The following ARHGAP26 variants were observed in gnomAD, a reference collection of about 807,000 sequenced individuals.
The protein encoded by ARHGAP26 is Rho GTPase activating protein 26, also known as rho GTPase-activating protein 26.
Under a neutral mutation model 104.8 loss-of-function variants are expected in ARHGAP26, and 38 were observed. That is an observed-to-expected ratio of 0.36 (90% CI 0.28 to 0.48). The LOEUF is 0.48. Among genes scored for constraint, ARHGAP26 ranks in the 20% least tolerant of loss-of-function variants. ARHGAP26 has a pLI of 0.99. For missense variants in ARHGAP26, 704 were observed against 947.9 expected (o/e 0.74, Z 3.38); for synonymous variants, 341 against 340.0 (o/e 1.00, Z -0.03).
At chr5:143,094,788 G>C (rs982253007) in intron 17 of ARHGAP26, among the ~76,000 whole-genome samples, 1 of 152,074 alleles carries the variant, frequency 6.6e-6, no homozygotes, top group African/African-American at 2.4e-5. Context: ...TGAGTGGTTT[G>C]GGGGGAAAAT....
intron 17 of ARHGAP26, among the ~76,000 whole-genome samples, chr5:143,090,628 G>C (rs776036781): frequency 2.6e-5 from 4 of 152,182 alleles, no homozygotes; most frequent in African/African-American, 4.8e-5. Flanking sequence ...CTTAGAAAAG[G>C]GGGAGAACTT....
chr5:143,117,554 A>C (rs181697710), intron 17 of ARHGAP26, among the ~76,000 whole-genome samples: 2 of 152,366 alleles, frequency 1.3e-5, no homozygotes, highest in East Asian at 3.9e-4. Context: ...CCCAAAAAAA[A>C]GTTTCCTAAG....
At chr5:142,989,994 T>G (rs928882062) in intron 11 of ARHGAP26, among the ~76,000 whole-genome samples, 2 of 152,184 alleles carry the variant, frequency 1.3e-5, no homozygotes, top group African/African-American at 4.8e-5. Flanking sequence ...AATTTGAATG[T>G]TGGCCTGCCT....
chr5:142,949,234 A>AGAGAGAG (rs1767896338), intron 11 of ARHGAP26, among the ~76,000 whole-genome samples: 1 of 81,968 alleles, frequency 1.2e-5, no homozygotes, highest in African/African-American at 7.6e-5. Context: ...GAGAGAGAGG[A>AGAGAGAG]GAGAGAGAGA....
At chr5:142,821,095 T>C (rs1766070995) in intron 1 of ARHGAP26, among the ~76,000 whole-genome samples, 1 of 152,210 alleles carries the variant, frequency 6.6e-6, no homozygotes. Flanking sequence ...TAGAGCTATA[T>C]TACAGAGCTT....
At chr5:143,082,722 A>G (rs1172085571) in intron 17 of ARHGAP26, among the ~76,000 whole-genome samples, 5 of 152,362 alleles carry the variant, frequency 3.3e-5, no homozygotes, top group African/African-American at 9.6e-5. Context: ...AACCAAGAAG[A>G]TGGGAGTTGT....
chr5:142,882,835 A>T (rs1007414810), intron 4 of ARHGAP26, among the ~76,000 whole-genome samples: 5 of 152,224 alleles, frequency 3.3e-5, no homozygotes, highest in Admixed American at 3.3e-4. Flanking sequence ...CCGAGCAATT[A>T]TCTAATCATC....
chr5:143,207,215 C>T lies in ARHGAP26; in HGVS notation c.2006C>T (p.Pro669Leu), dbSNP rs1808701446. 1 of 1,613,950 alleles carries T rather than the reference C, an allele frequency of 6.2e-7. No individual in the cohort carries two copies. Among genetic ancestry groups the T allele is most frequent in the African/African-American group, 1.3e-5 (1 of 75,004 alleles). ...TCTTGCAGCCCCCCGAATCCAAGCC[C>T]AACTTCACCCCTCTCGCCATCTTGG... is the stretch of plus-strand genomic sequence containing the variant. Reference protein sequence around the residue: ...RPNSLPPNPSPTSPLSPSWPM... With the variant: ...RPNSLPPNPSLTSPLSPSWPM... Residue 669 changes from proline to leucine, a missense_variant, in exon 21 of 23, where the codon CCA (proline) becomes CTA (leucine). This residue lies in a region of ARHGAP26 where 217 missense variants were observed against 242.6 expected (regional missense o/e 0.89). Coordinates refer to ENST00000645722, the MANE Select transcript of ARHGAP26 (RefSeq NM_001135608.3).
chr5:142,820,590 G>T (rs886781286), intron 1 of ARHGAP26, among the ~76,000 whole-genome samples: 3 of 152,222 alleles, frequency 2.0e-5, no homozygotes, highest in Admixed American at 6.5e-5. Flanking sequence ...CTCCAGCATG[G>T]TTCTCAAACA....
At chr5:142,803,663 CT>C (rs1762459554) in intron 1 of ARHGAP26, among the ~76,000 whole-genome samples, 1 of 152,288 alleles carries the variant, frequency 6.6e-6, no homozygotes, top group South Asian at 2.1e-4. Flanking sequence ...AAGAATCCTC[CT>C]GCAGCACGTC....
chr5:143,027,552 C>A (rs1007066293), intron 12 of ARHGAP26, among the ~76,000 whole-genome samples: 1 of 151,924 alleles, frequency 6.6e-6, no homozygotes, highest in Admixed American at 6.6e-5. Context: ...CCAATTCATC[C>A]ATTTTTTACC....
intron 20 of ARHGAP26, among the ~76,000 whole-genome samples, chr5:143,163,542 C>T (rs985360978): frequency 9.2e-5 from 14 of 151,864 alleles, no homozygotes; most frequent in African/African-American, 3.4e-4. Flanking sequence ...CCTTTGCCTC[C>T]TGGGTTCAAG....
intron 11 of ARHGAP26, among the ~76,000 whole-genome samples, chr5:142,949,037 G>A (rs1042338051): frequency 2.0e-5 from 3 of 151,724 alleles, no homozygotes; most frequent in African/African-American, 2.4e-5. Flanking sequence ...CCTGGGGGGC[G>A]GAGGTTGCAG....
intron 1 of ARHGAP26, among the ~76,000 whole-genome samples, chr5:142,841,162 G>T (rs1382344904): frequency 6.6e-6 from 1 of 152,136 alleles, no homozygotes; most frequent in Non-Finnish European, 1.5e-5. Context: ...AGCCTCGGGG[G>T]TCTGGGGATA....
intron 1 of ARHGAP26, among the ~76,000 whole-genome samples, chr5:142,771,556 G>A (rs996839284): frequency 6.6e-6 from 1 of 152,206 alleles, no homozygotes; most frequent in Admixed American, 6.5e-5. Context: ...GGTGATAGGG[G>A]TGGGAGTAGA....
intron 11 of ARHGAP26, among the ~76,000 whole-genome samples, chr5:142,943,510 C>T (rs1056545910): frequency 2.0e-5 from 3 of 152,156 alleles, no homozygotes; most frequent in Admixed American, 6.5e-5. Context: ...GGGCACCCAT[C>T]CCATTCATGA....
intron 1 of ARHGAP26, among the ~76,000 whole-genome samples, chr5:142,799,109 A>G (rs757235346): frequency 3.3e-5 from 5 of 152,160 alleles, no homozygotes; most frequent in South Asian, 4.1e-4. Context: ...TTCTGCTTTT[A>G]CTCTTACTGT....
In ARHGAP26 at chr5:142,932,125, T is replaced by C. The variant is rs139391817; in HGVS notation, c.1107T>C (p.Pro369=). 65 of 1,613,872 alleles carry C rather than the reference T, an allele frequency of 4.0e-5. No individual in the cohort carries two copies. In the African/African-American group the frequency reaches 8.4e-4, roughly 21 times the overall value. The part of the protein sequence containing the change: ...LWMEAMDGRE[P]VYNSNKDSQS... Reference sequence around the variant, plus strand: ...TGGAAGCCATGGATGGCCGGGAACCTGTAAGTAACAATTCAGGGAAGTAGA... The same window carrying C: ...TGGAAGCCATGGATGGCCGGGAACCCGTAAGTAACAATTCAGGGAAGTAGA... Residue 369 remains proline, a splice_region_variant and synonymous_variant, in exon 11 of 23, where the codon CCT becomes CCC. Coordinates refer to ENST00000645722, the MANE Select transcript of ARHGAP26 (RefSeq NM_001135608.3).
At chr5:142,792,969 G>A (rs927926776) in intron 1 of ARHGAP26, among the ~76,000 whole-genome samples, 9 of 152,300 alleles carry the variant, frequency 5.9e-5, no homozygotes, top group African/African-American at 2.2e-4. Context: ...AGGCAGAAAG[G>A]TTGGAGGAAC....
Sources: allele counts gnomAD v4.1 joint callset (sites outside exome capture counted in the v4.1 genomes callset), GRCh38; gene constraint gnomAD v4.1.1; regional missense constraint gnomAD v4.1.1; transcripts MANE v1.5; gene names NCBI Gene and HGNC (gene_info 2026-07-23, HGNC 2026-07-21).